Variants in CENPP observed in about 807,000 individuals in gnomAD.
CENPP encodes centromere protein P.
Under a neutral mutation model 35.6 loss-of-function variants are expected in CENPP, and 24 were observed. That is an observed-to-expected ratio of 0.67 (90% confidence interval 0.49 to 0.95). The LOEUF is 0.95. CENPP is among the 40% of genes least tolerant of loss of function. The probability of loss-of-function intolerance (pLI) is 0.00; values close to 1 mark genes in which losing one functional copy is unlikely to be tolerated. For missense variants in CENPP, 332 were observed against 345.3 expected (o/e 0.96, Z 0.31); for synonymous variants, 120 against 125.5 (o/e 0.96, Z 0.29).
At chr9:92,516,864 T>G (rs766367121) in intron 5 of CENPP, 1 of 152,238 alleles carries the variant, frequency 6.6e-6, no homozygotes, top group Non-Finnish European at 1.5e-5. Context: ...GCAAGGAGAC[T>G]TTTGTAGACA....
intron 5 of CENPP, among the ~76,000 whole-genome samples, chr9:92,551,785 T>A (rs1438828118): frequency 6.6e-6 from 1 of 151,734 alleles, no homozygotes; most frequent in Non-Finnish European, 1.5e-5. Context: ...TGGTTTTCCA[T>A]TCCTGAGTAA....
intron 5 of CENPP, among the ~76,000 whole-genome samples, chr9:92,591,771 T>G (rs1490517212): frequency 6.6e-6 from 1 of 151,988 alleles, no homozygotes; most frequent in Non-Finnish European, 1.5e-5. Context: ...GCTTCCAGAT[T>G]AAAAAAAGAA....
chr9:92,368,919 C>T (rs965413889), intron 4 of CENPP, among the ~76,000 whole-genome samples: 1 of 152,048 alleles, frequency 6.6e-6, no homozygotes, highest in Non-Finnish European at 1.5e-5. Context: ...GCCTGCCTGC[C>T]TGTAGTTATA....
At chr9:92,537,592 G>A (rs561175321) in intron 5 of CENPP, among the ~76,000 whole-genome samples, 34 of 152,206 alleles carry the variant, frequency 2.2e-4, no homozygotes, top group African/African-American at 6.0e-4. Flanking sequence ...CCTAGGAGGC[G>A]GAGGTTGCAG....
At position 92,619,544 on chromosome 9, in the gene CENPP, T is replaced by G; in HGVS notation, c.*6395T>G. 1 of 1,589,270 alleles carries G rather than the reference T, an allele frequency of 6.3e-7. No individual in the cohort carries two copies. Among genetic ancestry groups the G allele is most frequent in the South Asian group, 1.2e-5 (1 of 86,630 alleles). ...ATGATGGAGCAGTCCTTGGCAGTCA[T>G]GGCGACGCGGTACTGCTGCACCTGC... On this transcript the variant is annotated 3_prime_UTR_variant, in exon 8 of 8. Transcript: ENST00000375587.
At chr9:92,607,257 G>A (rs1444578823) in intron 5 of CENPP, among the ~76,000 whole-genome samples, 2 of 152,210 alleles carry the variant, frequency 1.3e-5, no homozygotes, top group African/African-American at 4.8e-5. Context: ...GCGGAGTCTA[G>A]TGTGAGTTTT....
At chr9:92,471,070 A>AAGGTGACC (rs1845494709) in intron 5 of CENPP, among the ~76,000 whole-genome samples, 3 of 152,310 alleles carry the variant, frequency 2.0e-5, no homozygotes, top group Non-Finnish European at 4.4e-5. Context: ...TGGCTGTGAG[A>AAGGTGACC]AGGTGACCAA....
At chr9:92,416,882 G>A in intron 5 of CENPP, 1 of 1,613,986 alleles carries the variant, frequency 6.2e-7, no homozygotes, top group Non-Finnish European at 8.5e-7. Context: ...AGGAGGCATT[G>A]ATTCTAATCT....
chr9:92,532,535 T>C (rs1423791428), intron 5 of CENPP, among the ~76,000 whole-genome samples: 1 of 152,152 alleles, frequency 6.6e-6, no homozygotes, highest in Non-Finnish European at 1.5e-5. Context: ...TTTGTTTGTC[T>C]ATCTCTTCAG....
chr9:92,429,812 A>G (rs1013831346), intron 5 of CENPP, among the ~76,000 whole-genome samples: 1 of 151,940 alleles, frequency 6.6e-6, no homozygotes, highest in East Asian at 1.9e-4. Context: ...CATCATCATC[A>G]TCATCATCAT....
intron 4 of CENPP, among the ~76,000 whole-genome samples, chr9:92,358,186 G>C (rs1263989417): frequency 6.7e-6 from 1 of 149,784 alleles, no homozygotes; most frequent in African/African-American, 2.5e-5. Context: ...GACTCCTACA[G>C]TGCAGAAGTT....
intron 5 of CENPP, among the ~76,000 whole-genome samples, chr9:92,504,220 G>C (rs1846856205): frequency 6.6e-6 from 1 of 152,212 alleles, no homozygotes; most frequent in Non-Finnish European, 1.5e-5. Context: ...CCAAGAGTCT[G>C]TATTTCTTAA....
intron 5 of CENPP, among the ~76,000 whole-genome samples, chr9:92,584,935 G>T (rs997566509): frequency 6.6e-6 from 1 of 152,198 alleles, no homozygotes; most frequent in Non-Finnish European, 1.5e-5. Context: ...ATGCACCCAT[G>T]TATTATGCTA....
At chr9:92,465,917 C>A (rs930448768) in intron 5 of CENPP, among the ~76,000 whole-genome samples, 2 of 151,852 alleles carry the variant, frequency 1.3e-5, no homozygotes, top group African/African-American at 4.8e-5. Flanking sequence ...ACTGCAACCC[C>A]TGCCTCCTGG....
At chr9:92,566,577 A>G (rs1246969668) in intron 5 of CENPP, among the ~76,000 whole-genome samples, 1 of 152,216 alleles carries the variant, frequency 6.6e-6, no homozygotes, top group African/African-American at 2.4e-5. Context: ...AATAACTGAA[A>G]TGAAAAATTC....
At chr9:92,553,376 T>G (rs1849654757) in intron 5 of CENPP, among the ~76,000 whole-genome samples, 1 of 152,212 alleles carries the variant, frequency 6.6e-6, no homozygotes, top group Non-Finnish European at 1.5e-5. Flanking sequence ...TTAGTCTTGC[T>G]TTGGCTATGC....
chr9:92,611,077 T>G (rs1214554603), intron 5 of CENPP: 6 of 591,830 alleles, frequency 1.0e-5, no homozygotes. Flanking sequence ...GGAGGTTATG[T>G]ACAATGTTCA....
chr9:92,357,408 A>AT (rs1367082847), intron 4 of CENPP, among the ~76,000 whole-genome samples: 5 of 150,084 alleles, frequency 3.3e-5, no homozygotes, highest in Admixed American at 3.3e-4. Context: ...CACTTTTTTT[A>AT]TTTTTTGTTT....
chr9:92,393,053 T>C (rs765268882), intron 5 of CENPP: 53 of 1,578,968 alleles, frequency 3.4e-5, no homozygotes, highest in Non-Finnish European at 4.6e-5. Flanking sequence ...CTAATACGAG[T>C]TAATACTAAT....
Sources: gnomAD v4.1 joint callset for allele counts (sites outside exome capture counted in the v4.1 genomes callset) on GRCh38, gnomAD v4.1.1 for gene constraint, MANE v1.5 for transcripts, NCBI Gene and HGNC (gene_info 2026-07-23, HGNC 2026-07-21) for gene names.